Variants in DAB1 observed in about 807,000 individuals in gnomAD.
DAB1 encodes the protein DAB adaptor protein 1, also known as disabled homolog 1.
A neutral mutation model predicts 64.6 loss-of-function variants in DAB1; 15 were observed. The ratio of observed to expected loss-of-function variants is 0.23; its 90% CI spans 0.16 to 0.36. The LOEUF (loss-of-function observed/expected upper bound fraction) is 0.36, where lower values mean the gene tolerates loss of function less well. Among genes scored for constraint, DAB1 ranks in the 10% least tolerant of loss-of-function variants. The probability of loss-of-function intolerance (pLI) is 1.00; values close to 1 mark genes in which losing one functional copy is unlikely to be tolerated. For missense variants in DAB1, 596 were observed against 706.7 expected (o/e 0.84, Z 1.78); for synonymous variants, 235 against 251.9 (o/e 0.93, Z 0.64).
chr1:57,092,648 C>T (rs516494), intron 4 of DAB1, among the ~76,000 whole-genome samples: 75,477 of 140,466 alleles, frequency 0.54, 20,113 homozygotes, highest in South Asian at 0.65. Context: ...AGTGTGAGAA[C>T]GAACAAACAG....
intron 7 of DAB1, among the ~76,000 whole-genome samples, chr1:57,563,829 G>A (rs892561937): frequency 1.3e-5 from 2 of 152,174 alleles, no homozygotes; most frequent in East Asian, 1.9e-4. Flanking sequence ...AGCTCAAGAT[G>A]GCCTGCCTGC....
At chr1:58,438,381 G>A (rs1242908065) in intron 3 of DAB1, among the ~76,000 whole-genome samples, 1 of 152,200 alleles carries the variant, frequency 6.6e-6, no homozygotes, top group African/African-American at 2.4e-5. Flanking sequence ...GCATTTAGCT[G>A]TGATGGAAAG....
intron 7 of DAB1, among the ~76,000 whole-genome samples, chr1:57,527,144 C>T (rs1262447452): frequency 6.6e-6 from 1 of 152,054 alleles, no homozygotes; most frequent in Non-Finnish European, 1.5e-5. Context: ...TGCAAAAGCC[C>T]ACTTTATTTA....
At chr1:57,096,318 C>T (rs903329383) in intron 4 of DAB1, among the ~76,000 whole-genome samples, 2 of 152,140 alleles carry the variant, frequency 1.3e-5, no homozygotes, top group Non-Finnish European at 2.9e-5. Context: ...TCCCTGGCTC[C>T]TCTCAGAGTA....
intron 7 of DAB1, among the ~76,000 whole-genome samples, chr1:57,562,397 C>G (rs1182069987): frequency 6.6e-6 from 1 of 152,098 alleles, no homozygotes; most frequent in Admixed American, 6.6e-5. Flanking sequence ...CAAAACAAAA[C>G]TGTGGCAGGG....
At position 58,284,102 on chromosome 1, in the gene DAB1, T is replaced by C. The variant is rs72912338; in HGVS notation, n.309+59250A>G. Among the ~76,000 whole-genome samples the C allele has an allele frequency of 3.5e-3, 528 of 152,342 alleles. 5 individuals carry two copies. The highest frequency in any genetic ancestry group is 0.012 in the African/African-American group (493 of 41,578). ...AACAGAGATGAGTTTTCCAGGTGGG[T>C]TGACAGACTTGCCTAGTCTTGAGGT... is the stretch of plus-strand genomic sequence containing the variant. On this transcript the variant is annotated intron_variant and non_coding_transcript_variant, in intron 4 of 20. Coordinates refer to the DAB1 transcript ENST00000485760.
chr1:57,084,991 C>A (rs984923387), intron 4 of DAB1, among the ~76,000 whole-genome samples: 1 of 152,160 alleles, frequency 6.6e-6, no homozygotes, highest in African/African-American at 2.4e-5. Flanking sequence ...GAAATTAGCA[C>A]CAAATCGCCC....
At chr1:57,146,273 A>T (rs1401701887) in intron 2 of DAB1, among the ~76,000 whole-genome samples, 1 of 152,206 alleles carries the variant, frequency 6.6e-6, no homozygotes, top group Non-Finnish European at 1.5e-5. Context: ...GCCCAAGTAA[A>T]CATAGTCTGA....
chr1:57,955,375 C>A (rs994873762), intron 5 of DAB1, among the ~76,000 whole-genome samples: 1 of 152,178 alleles, frequency 6.6e-6, no homozygotes, highest in East Asian at 1.9e-4. Context: ...AATCTAGCAT[C>A]CCAGTTAATC....
At chr1:58,244,124 C>A (rs1381168412) in intron 4 of DAB1, among the ~76,000 whole-genome samples, 1 of 152,220 alleles carries the variant, frequency 6.6e-6, no homozygotes, top group Non-Finnish European at 1.5e-5. Flanking sequence ...ATTCATTTAA[C>A]ATCACTGAGT....
chr1:57,617,126 G>C (rs961044999), intron 7 of DAB1, among the ~76,000 whole-genome samples: 3 of 152,012 alleles, frequency 2.0e-5, no homozygotes, highest in African/African-American at 4.8e-5. Flanking sequence ...CCCTTTCCTG[G>C]GCTGGTGCAC....
At chr1:58,165,015 C>A (rs1247716123) in intron 4 of DAB1, among the ~76,000 whole-genome samples, 5 of 152,124 alleles carry the variant, frequency 3.3e-5, no homozygotes, top group Admixed American at 1.3e-4. Flanking sequence ...TTAAAGGAAG[C>A]ATAGTTCTGG....
chr1:57,071,916 G>C (rs1651502922), intron 5 of DAB1, among the ~76,000 whole-genome samples: 1 of 151,808 alleles, frequency 6.6e-6, no homozygotes, highest in Non-Finnish European at 1.5e-5. Flanking sequence ...ATAAAATTAG[G>C]GTAGGCCTTA....
At chr1:58,101,392 T>C (rs1047168667) in intron 5 of DAB1, among the ~76,000 whole-genome samples, 1 of 151,988 alleles carries the variant, frequency 6.6e-6, no homozygotes, top group Admixed American at 6.6e-5. Flanking sequence ...GCTAGGGGGA[T>C]CAGTAATCGT....
At chr1:57,840,537 A>T (rs1653003301) in intron 1 of DAB1, among the ~76,000 whole-genome samples, 2 of 152,116 alleles carry the variant, frequency 1.3e-5, no homozygotes, top group Non-Finnish European at 2.9e-5. Context: ...ACTACTTGAG[A>T]CTGGGTAATT....
At chr1:57,325,599 T>C (rs558245855) in intron 1 of DAB1, among the ~76,000 whole-genome samples, 2 of 152,324 alleles carry the variant, frequency 1.3e-5, no homozygotes, top group Non-Finnish European at 1.5e-5. Flanking sequence ...CATATTTCAC[T>C]ATTTACTAGA....
chr1:57,346,716 A>C (rs1678135005), intron 1 of DAB1, among the ~76,000 whole-genome samples: 1 of 152,212 alleles, frequency 6.6e-6, no homozygotes, highest in Non-Finnish European at 1.5e-5. Context: ...TGTTCAATAA[A>C]TGAGTTCATT....
At chr1:57,859,669 A>C (rs1188642031) in intron 1 of DAB1, among the ~76,000 whole-genome samples, 3 of 152,172 alleles carry the variant, frequency 2.0e-5, no homozygotes, top group African/African-American at 7.2e-5. Context: ...AACTAGTTTA[A>C]CTACATTCCC....
intron 5 of DAB1, among the ~76,000 whole-genome samples, chr1:58,012,767 C>T (rs1646686619): frequency 1.3e-5 from 2 of 152,188 alleles, no homozygotes; most frequent in Admixed American, 1.3e-4. Flanking sequence ...TTTAGACTCC[C>T]CAGCCTCCAG....
Sources: allele counts gnomAD v4.1 joint callset (sites outside exome capture counted in the v4.1 genomes callset), GRCh38; gene constraint gnomAD v4.1.1; transcripts MANE v1.5; gene names NCBI Gene and HGNC (gene_info 2026-07-23, HGNC 2026-07-21).